DPPA4: variants seen among roughly 807,000 people sequenced by gnomAD.
The protein encoded by DPPA4 is developmental pluripotency-associated protein 4.
In DPPA4, 22 loss-of-function variants were observed where a neutral mutation model predicts 33.7. The ratio of observed to expected loss-of-function variants is 0.65; its 90% confidence interval spans 0.47 to 0.93. The LOEUF (loss-of-function observed/expected upper bound fraction) is 0.93. Among genes scored for constraint, DPPA4 ranks in the 40% least tolerant of loss-of-function variants. The probability of loss-of-function intolerance (pLI) is 0.00; values close to 1 mark genes in which losing one functional copy is unlikely to be tolerated. For synonymous variants in DPPA4, 156 were observed against 132.3 expected, an observed-to-expected ratio of 1.18 and a Z score of -1.23; for missense variants, 340 against 358.6, an observed-to-expected ratio of 0.95 and a Z score of 0.42.
In DPPA4 at chr3:109,327,961, C is replaced by T. The variant is rs771379306; in HGVS notation, c.*27G>A. Reference sequence around the variant, plus strand: ...CTCCAGCTTTTCTGCCATTAATTACCATAGATGTGGCCTTTTTCCTGATAT... The same window carrying T: ...CTCCAGCTTTTCTGCCATTAATTACTATAGATGTGGCCTTTTTCCTGATAT... On this transcript the variant is annotated 3_prime_UTR_variant, in exon 7 of 7. Coordinates refer to ENST00000335658, the MANE Select transcript of DPPA4 (RefSeq NM_018189.4). The T allele has an allele frequency of 1.3e-6, 2 of 1,513,526 alleles. No individual in the cohort carries two copies. The highest frequency in any genetic ancestry group is 2.3e-5 in the East Asian group (1 of 44,406). The allele number at this position is 1,513,526 out of a possible 1,614,324, so 93.8% of individuals were successfully genotyped here.
intron 4 of DPPA4, 104 bp downstream of exon 4, chr3:109,331,630 G>T: frequency 1.1e-6 from 1 of 873,896 alleles, no homozygotes; most frequent in Admixed American, 2.1e-5. Context: ...TTAGAACTAG[G>T]GGTGGAGGAA....
chr3:109,337,736 G>C (rs1461164542), upstream of DPPA4, among the ~76,000 whole-genome samples: 1 of 151,882 alleles, frequency 6.6e-6, no homozygotes, highest in Non-Finnish European at 1.5e-5. Context: ...GCCCTTTTCT[G>C]TTCACTTTAA....
chr3:109,331,251 ACT>A (rs1288554568), intron 4 of DPPA4, among the ~76,000 whole-genome samples: 2 of 109,118 alleles, frequency 1.8e-5, no homozygotes, highest in African/African-American at 3.6e-5. Context: ...ACAGAGGGAG[ACT>A]CTGTCTCAAA....
At chr3:109,337,732 T>G (rs925695407), upstream of DPPA4, among the ~76,000 whole-genome samples, 2 of 152,210 alleles carry the variant, frequency 1.3e-5, no homozygotes, top group Non-Finnish European at 2.9e-5. Flanking sequence ...CCTGGCCCTT[T>G]TCTGTTCACT....
At chr3:109,336,246 T>G (rs1708209140) in intron 1 of DPPA4, 1 of 152,206 alleles carries the variant, frequency 6.6e-6, no homozygotes, top group Non-Finnish European at 1.5e-5. Context: ...TTGTATGGCA[T>G]TTTTACATCT....
intron 4 of DPPA4, 73 bp downstream of exon 4, chr3:109,331,661 T>TC (rs932103871): frequency 1.4e-6 from 2 of 1,423,144 alleles, no homozygotes; most frequent in Non-Finnish European, 2.0e-6. Flanking sequence ...CTAAGACAGT[T>TC]CCTTTACTCA....
chr3:109,333,489 C>T, intron 2 of DPPA4: 1 of 198,358 alleles, frequency 5.0e-6, no homozygotes. Context: ...ACTCCATTCC[C>T]ACCGCTTAAT....
At chr3:109,331,615 C>G in intron 4 of DPPA4, 119 bp downstream of exon 4, 2 of 563,544 alleles carry the variant, frequency 3.5e-6, no homozygotes, top group Non-Finnish European at 6.1e-6. Context: ...AAATATTGTT[C>G]TTTCTTAGAA....
intron 2 of DPPA4, among the ~76,000 whole-genome samples, chr3:109,332,384 A>C (rs994928475): frequency 1.3e-5 from 2 of 152,126 alleles, no homozygotes; most frequent in Admixed American, 6.5e-5. Flanking sequence ...TACAGGCCTA[A>C]GCCACCGCGC....
At chr3:109,331,846 C>T in intron 3 of DPPA4, 25 bp downstream of exon 3, 3 of 1,613,526 alleles carry the variant, frequency 1.9e-6, no homozygotes, top group East Asian at 2.2e-5. Flanking sequence ...CTCCCAGCAG[C>T]ACCGTCCCCA....
intron 2 of DPPA4, among the ~76,000 whole-genome samples, chr3:109,332,373 T>C (rs1004010525): frequency 1.2e-4 from 18 of 152,086 alleles, no homozygotes; most frequent in Admixed American, 1.2e-3. Context: ...AGTTCTGAGA[T>C]TACAGGCCTA....
chr3:109,339,316 C>T (rs903512863), upstream of DPPA4, among the ~76,000 whole-genome samples: 1 of 152,168 alleles, frequency 6.6e-6, no homozygotes, highest in Admixed American at 6.5e-5. Flanking sequence ...ACCTCCCCTT[C>T]ACTAGCTGTG....
intron 1 of DPPA4, among the ~76,000 whole-genome samples, chr3:109,335,254 G>A (rs910428764): frequency 2.2e-4 from 34 of 152,190 alleles, no homozygotes; most frequent in South Asian, 2.1e-4. Flanking sequence ...CCGGGTTCAA[G>A]TGATCTTTTG....
chr3:109,331,404 A>T (rs1708073621), intron 4 of DPPA4, among the ~76,000 whole-genome samples: 1 of 151,188 alleles, frequency 6.6e-6, no homozygotes, highest in Non-Finnish European at 1.5e-5. Flanking sequence ...TGGGTGGATC[A>T]CCTGAGGCAG....
chr3:109,333,731 T>C, intron 2 of DPPA4, 139 bp downstream of exon 2: 1 of 1,015,364 alleles, frequency 9.8e-7, no homozygotes, highest in Admixed American at 2.2e-5. Flanking sequence ...AAGGTAACAG[T>C]TTAAGCTTGG....
In DPPA4 at chr3:109,330,799, G is replaced by T; in HGVS notation, c.404C>A (p.Thr135Lys). Residue 135 changes from threonine to lysine, a missense_variant, in exon 5 of 7, where the codon ACA (threonine) becomes AAA (lysine). This residue lies in a region of DPPA4 where 212 missense variants were observed against 206.5 expected (regional missense o/e 1.03). Transcript: ENST00000335658. ...TTTCCGGATTTTGGCCTCTTTTGCTGTGCTAGGAAAATCCTACAAAAAGGG... is the reference window on the plus strand; with the variant it reads ...TTTCCGGATTTTGGCCTCTTTTGCTTTGCTAGGAAAATCCTACAAAAAGGG... ...AYPNQKDFPS[T>K]AKEAKIRKSL... 1 of 1,603,014 alleles carries T rather than the reference G, an allele frequency of 6.2e-7. No homozygotes were observed. Among genetic ancestry groups the T allele is most frequent in the Non-Finnish European group, 8.5e-7 (1 of 1,176,324 alleles).
intron 5 of DPPA4, 110 bp from the exon 6 acceptor site, chr3:109,329,198 C>A: frequency 1.1e-6 from 1 of 924,592 alleles, no homozygotes; most frequent in East Asian, 2.6e-5. Flanking sequence ...AGATGTGAAC[C>A]CTGAAATCCT....
At position 109,330,789 on chromosome 3, in the gene DPPA4, C is replaced by T. The variant is rs1559708299; in HGVS notation, c.414G>A (p.Glu138=). The change falls in exon 5 of 7, where the codon GAG becomes GAA. Residue 138 remains glutamate (E), a synonymous_variant. Transcript: ENST00000335658. ...NQKDFPSTAK[E]AKIRKSLQKK... is the part of the protein sequence containing the mutation. ...TTTGCAATGATTTCCGGATTTTGGC[C>T]TCTTTTGCTGTGCTAGGAAAATCCT... 1 of 1,612,824 alleles carries T rather than the reference C, an allele frequency of 6.2e-7. No homozygotes were observed. The highest frequency in any genetic ancestry group is 2.2e-5 in the East Asian group (1 of 44,864).
At position 109,333,736 on chromosome 3, in the gene DPPA4, G is replaced by T. The variant is rs1001471912; in HGVS notation, c.178+134C>A. 3 of 1,055,866 alleles carry T rather than the reference G, an allele frequency of 2.8e-6. No homozygotes were observed. In the Admixed American group the frequency reaches 6.6e-5, roughly 23 times the overall value. The allele number at this position is 1,055,866 out of a possible 1,614,324, so 65.4% of individuals were successfully genotyped here. A position where few individuals can be genotyped will look rare whatever the true frequency, so the allele number is the denominator to read the frequency against. ...ATGCTTCAGGAAGGTAACAGTTTAA[G>T]CTTGGCTTCCATGAAGTGCAGGATT... is the stretch of plus-strand genomic sequence containing the variant. On this transcript the variant is annotated intron_variant, in intron 2 of 6. Coordinates refer to ENST00000335658, the MANE Select transcript of DPPA4 (RefSeq NM_018189.4).
Sources: allele counts gnomAD v4.1 joint callset (sites outside exome capture counted in the v4.1 genomes callset), GRCh38; gene constraint gnomAD v4.1.1; regional missense constraint gnomAD v4.1.1; transcripts MANE v1.5; gene names NCBI Gene and HGNC (gene_info 2026-07-23, HGNC 2026-07-21).